Variants in SDK2 observed in about 807,000 individuals in gnomAD.
SDK2 encodes protein sidekick-2.
SDK2 carries 105 observed loss-of-function variants against 253.9 expected under a neutral mutation model. That is an observed-to-expected ratio of 0.41 (90% CI 0.35 to 0.49). The LOEUF (loss-of-function observed/expected upper bound fraction) is 0.49. SDK2 is among the 20% of genes least tolerant of loss of function. SDK2 has a pLI of 0.06. For missense variants in SDK2, 2,608 were observed against 3,003.0 expected (o/e 0.87, Z 3.07); for synonymous variants, 1,249 against 1,234.9 (o/e 1.01, Z -0.24).
intron 1 of SDK2, among the ~76,000 whole-genome samples, chr17:73,611,780 G>C (rs1404356040): frequency 6.6e-6 from 1 of 152,240 alleles, no homozygotes; most frequent in African/African-American, 2.4e-5. Context: ...GTCCTTGCCA[G>C]CTTTGGAGCA....
At chr17:73,487,324 T>A (rs2063775900) in intron 2 of SDK2, among the ~76,000 whole-genome samples, 1 of 152,180 alleles carries the variant, frequency 6.6e-6, no homozygotes, top group African/African-American at 2.4e-5. Flanking sequence ...CAAGGTGGGT[T>A]GAAAGTTGGG....
At chr17:73,552,676 G>A (rs907488856) in intron 1 of SDK2, among the ~76,000 whole-genome samples, 1 of 152,188 alleles carries the variant, frequency 6.6e-6, no homozygotes, top group African/African-American at 2.4e-5. Flanking sequence ...CAGGATACGG[G>A]GGAACAGGAT....
At chr17:73,451,083 G>A (rs576333056) in intron 4 of SDK2, among the ~76,000 whole-genome samples, 5 of 152,222 alleles carry the variant, frequency 3.3e-5, no homozygotes, top group African/African-American at 9.6e-5. Context: ...GATGTGCACC[G>A]TTGCTAAGCT....
At chr17:73,577,704 A>G (rs2045476071) in intron 1 of SDK2, among the ~76,000 whole-genome samples, 1 of 152,174 alleles carries the variant, frequency 6.6e-6, no homozygotes, top group Non-Finnish European at 1.5e-5. Flanking sequence ...GACACTAGGT[A>G]AACCCTTGAC....
rs143120500 is a variant in SDK2 at position 73,534,580 on chromosome 17, G to C, written c.65-26983C>G. 1.1e-3 allele frequency among the ~76,000 whole-genome samples: 166 copies of C among 152,252 alleles called. 1 individual carries two copies. Among genetic ancestry groups the C allele is most frequent in the African/African-American group, 3.8e-3 (159 of 41,556 alleles). On this transcript the variant is annotated intron_variant, in intron 1 of 44. Coordinates refer to ENST00000392650, the MANE Select transcript of SDK2 (RefSeq NM_001144952.2). The surrounding 1 kb of genome is among the most constrained non-coding windows in gnomAD (Gnocchi z 4.9). ...GGGAAGATGCACAGAGGCAGAGCGC[G>C]AGACCAGCAAGGCAGCAGGGAAGGC... is the stretch of plus-strand genomic sequence containing the variant.
chr17:73,562,773 C>A (rs373687820), intron 1 of SDK2, among the ~76,000 whole-genome samples: 1 of 152,336 alleles, frequency 6.6e-6, no homozygotes, highest in South Asian at 2.1e-4. Context: ...GTGCGGAAGG[C>A]GCCACGGGCT....
chr17:73,431,622 G>T lies in SDK2; in HGVS notation c.1360C>A (p.Pro454Thr). 4 of 1,613,348 alleles carry T rather than the reference G, an allele frequency of 2.5e-6. No individual in the cohort carries two copies. Among genetic ancestry groups the T allele is most frequent in the African/African-American group, 2.7e-5 (2 of 75,038 alleles). Residue 454 changes from proline (P) to threonine (T), a missense_variant, in exon 11 of 45, where the codon CCC becomes ACC. This residue lies in a region of SDK2 where 1,505 missense variants were observed against 1,859.1 expected (regional missense o/e 0.81). Coordinates refer to ENST00000392650, the MANE Select transcript of SDK2 (RefSeq NM_001144952.2). The surrounding 1 kb of genome is among the most constrained non-coding windows in gnomAD (Gnocchi z 5.6). ...SGSVQLPRFT[P>T]LESGSLLISP... ...ATGAGGAGGCTGCCCGACTCCAGGGGTGTGAAGCGAGGCAGCTGCACAGAG... is the reference window on the plus strand; with the variant it reads ...ATGAGGAGGCTGCCCGACTCCAGGGTTGTGAAGCGAGGCAGCTGCACAGAG...
At chr17:73,598,136 C>G (rs1427586954) in intron 1 of SDK2, among the ~76,000 whole-genome samples, 1 of 152,138 alleles carries the variant, frequency 6.6e-6, no homozygotes, top group Admixed American at 6.5e-5. Flanking sequence ...TGCTAGGATC[C>G]CGTGCCCCAA....
intron 1 of SDK2, among the ~76,000 whole-genome samples, chr17:73,635,569 C>T (rs980112075): frequency 5.3e-5 from 8 of 152,124 alleles, no homozygotes; most frequent in Non-Finnish European, 1.2e-4. Flanking sequence ...CACTGGTGTC[C>T]GCCCCAGATG....
chr17:73,379,645 G>A lies in SDK2; in HGVS notation c.4763-96C>T. Reference sequence around the variant, plus strand: ...GGGTGGAGGCTGCAGGGGGAGGAATGAGGCACCCCCGCCATTCTAGCCCCC... The same window carrying A: ...GGGTGGAGGCTGCAGGGGGAGGAATAAGGCACCCCCGCCATTCTAGCCCCC... On this transcript the variant is annotated intron_variant, in intron 34 of 44. Coordinates refer to ENST00000392650, the MANE Select transcript of SDK2 (RefSeq NM_001144952.2). The surrounding 1 kb of genome is among the most constrained non-coding windows in gnomAD (Gnocchi z 4.5). The A allele has an allele frequency of 1.4e-6, 1 of 728,684 alleles. No homozygotes were observed. Among genetic ancestry groups the A allele is most frequent in the Non-Finnish European group, 2.3e-6 (1 of 433,176 alleles). 45.1% of individuals were successfully genotyped at this position (728,684 alleles called of 1,614,324 possible). A position where few individuals can be genotyped will look rare whatever the true frequency, so the allele number is the denominator to read the frequency against.
chr17:73,354,338 T>TGG (rs919934384), intron 40 of SDK2, among the ~76,000 whole-genome samples: 22 of 152,320 alleles, frequency 1.4e-4, no homozygotes, highest in African/African-American at 4.6e-4. Context: ...CTTGCCCTCG[T>TGG]GGGACATAAT....
intron 31 of SDK2, 146 bp from the exon 32 acceptor site, chr17:73,386,063 G>T: frequency 4.3e-6 from 2 of 462,992 alleles, no homozygotes; most frequent in Admixed American, 3.4e-5. Flanking sequence ...GATTTCTGCA[G>T]AACAAAGGGC....
chr17:73,482,108 C>G (rs1476011145), intron 2 of SDK2, among the ~76,000 whole-genome samples: 1 of 152,140 alleles, frequency 6.6e-6, no homozygotes, highest in African/African-American at 2.4e-5. Context: ...AACCCCACCT[C>G]TACTACCAAT....
chr17:73,372,678 T>C (rs1270950718), intron 36 of SDK2, among the ~76,000 whole-genome samples: 1 of 151,792 alleles, frequency 6.6e-6, no homozygotes, highest in African/African-American at 2.4e-5. Flanking sequence ...GAGGCAGAGG[T>C]TGCAGTGAGT....
At position 73,423,413 on chromosome 17, in the gene SDK2, G is replaced by C; in HGVS notation, c.1870C>G (p.Arg624Gly). Residue 624 changes from arginine (R) to glycine (G), a missense_variant, in exon 14 of 45, where the codon CGC becomes GGC. Transcript: ENST00000392650. ...KPFDGNSPLIRYILEMSENNA... is the reference protein window; with the variant it reads ...KPFDGNSPLIGYILEMSENNA... ...TTCTCCGACATCTCCAGAATGTAGC[G>C]GATCAGGGGGCTGTTGCCATCAAAG... 1.3e-6 allele frequency: 2 copies of C among 1,548,122 alleles called. No individual in the cohort carries two copies. Among genetic ancestry groups the C allele is most frequent in the Non-Finnish European group, 1.7e-6 (2 of 1,144,380 alleles).
intron 3 of SDK2, among the ~76,000 whole-genome samples, 180 bp from the exon 4 acceptor site, chr17:73,456,233 C>G (rs887798162): frequency 6.6e-6 from 1 of 152,198 alleles, no homozygotes; most frequent in African/African-American, 2.4e-5. Flanking sequence ...AGCACCCTGC[C>G]CTAAGCTACT....
chr17:73,365,627 C>T (rs928920640), intron 37 of SDK2, among the ~76,000 whole-genome samples: 11 of 152,026 alleles, frequency 7.2e-5, no homozygotes, highest in Non-Finnish European at 1.5e-4. Flanking sequence ...AAAGAGAACT[C>T]GATTTTTCCC....
intron 1 of SDK2, among the ~76,000 whole-genome samples, chr17:73,512,538 A>AACAC (rs1223713482): frequency 0.014 from 2,050 of 146,134 alleles, 46 homozygotes; most frequent in African/African-American, 0.047. Context: ...CTTCACCTCA[A>AACAC]ACACACACAC....
rs1322877892 is a variant in SDK2, at chr17:73,527,984, G to A, written c.65-20387C>T. Among the ~76,000 whole-genome samples, 7 of 152,120 alleles carry A rather than the reference G, an allele frequency of 4.6e-5. No individual in the cohort carries two copies. In the South Asian group the frequency reaches 1.5e-3, roughly 32 times the overall value. Reference sequence around the variant, plus strand: ...AAGAAGACCTGTGTTAGATTGGAGGGCGGGGGTTGTCTGAGGGAGAGGGAA... The same window carrying A: ...AAGAAGACCTGTGTTAGATTGGAGGACGGGGGTTGTCTGAGGGAGAGGGAA... On this transcript the variant is annotated intron_variant, in intron 1 of 44. Transcript: ENST00000392650.
Sources: allele counts gnomAD v4.1 joint callset (sites outside exome capture counted in the v4.1 genomes callset), GRCh38; gene constraint gnomAD v4.1.1; regional missense constraint gnomAD v4.1.1; non-coding constraint Gnocchi (gnomAD v3.1); transcripts MANE v1.5; gene names NCBI Gene and HGNC (gene_info 2026-07-23, HGNC 2026-07-21).